PRDM16: variants seen among roughly 807,000 people sequenced by gnomAD.
PRDM16 encodes the protein histone-lysine N-methyltransferase PRDM16.
Under a neutral mutation model 110.6 loss-of-function variants are expected in PRDM16, and 23 were observed. The observed-to-expected ratio is 0.21, with a 90% confidence interval of 0.15 to 0.29. The LOEUF (loss-of-function observed/expected upper bound fraction) is 0.29. PRDM16 is among the 10% of genes least tolerant of loss of function. The pLI, the probability that PRDM16 is intolerant of heterozygous loss-of-function variation, is 1.00. For missense variants in PRDM16, 1,615 were observed against 1,794.3 expected (o/e 0.90, Z 1.81); for synonymous variants, 799 against 781.8 (o/e 1.02, Z -0.37).
chr1:3,414,714 C>G (rs564834010), intron 10 of PRDM16, 67 bp downstream of exon 10: 1 of 1,294,522 alleles, frequency 7.7e-7, no homozygotes, highest in Admixed American at 1.9e-5. Context: ...TCCCGGCTGT[C>G]GAGGCTCAGT....
At chr1:3,333,563 C>G (rs1010616359) in intron 3 of PRDM16, among the ~76,000 whole-genome samples, 2 of 152,198 alleles carry the variant, frequency 1.3e-5, no homozygotes, top group African/African-American at 2.4e-5. Context: ...TGAGCACAGA[C>G]GTCTCTCCTC....
chr1:3,435,231 T>C lies in PRDM16; in HGVS notation c.*1420T>C, dbSNP rs572039527. On this transcript the variant is annotated 3_prime_UTR_variant, in exon 17 of 17. Coordinates refer to ENST00000270722, the MANE Select transcript of PRDM16 (RefSeq NM_022114.4). ...TTTACCTTAATCTGTATATAACTTG[T>C]AATTTTTTCTAATTCATTTCTTTTC... 4.5e-6 allele frequency: 1 copy of C among 221,404 alleles called. No homozygotes were observed. The highest frequency in any genetic ancestry group is 9.0e-6 in the Non-Finnish European group (1 of 110,742). The allele number at this position is 221,404 out of a possible 1,614,324, so 13.7% of individuals were successfully genotyped here.
At chr1:3,273,685 G>A (rs1640513584) in intron 3 of PRDM16, among the ~76,000 whole-genome samples, 1 of 151,972 alleles carries the variant, frequency 6.6e-6, no homozygotes, top group African/African-American at 2.4e-5. Flanking sequence ...GTGTGTGTGT[G>A]CATGTGGCAG....
intron 3 of PRDM16, among the ~76,000 whole-genome samples, chr1:3,302,508 T>TA (rs35595493): frequency 0.28 from 43,055 of 151,210 alleles, 6,524 homozygotes; most frequent in Middle Eastern, 0.39. Flanking sequence ...ATCCATTTGT[T>TA]AAAAAAAAAA....
intron 3 of PRDM16, among the ~76,000 whole-genome samples, chr1:3,384,254 C>T (rs1643157829): frequency 1.3e-5 from 2 of 152,166 alleles, no homozygotes; most frequent in Admixed American, 1.3e-4. Context: ...GTGGCCCCAT[C>T]CCCTGCCCCC....
At chr1:3,423,632 C>G (rs977669095) in intron 12 of PRDM16, among the ~76,000 whole-genome samples, 1 of 152,168 alleles carries the variant, frequency 6.6e-6, no homozygotes, top group African/African-American at 2.4e-5. Flanking sequence ...CCGGTCGGGG[C>G]GGGGTGGGGC....
At chr1:3,363,975 C>T (rs555524094) in intron 3 of PRDM16, among the ~76,000 whole-genome samples, 85 of 151,694 alleles carry the variant, frequency 5.6e-4, no homozygotes, top group African/African-American at 1.5e-3. Context: ...CCCCGCCCCC[C>T]GAGCCAGCCC....
At chr1:3,282,211 G>T (rs936281134) in intron 3 of PRDM16, among the ~76,000 whole-genome samples, 1 of 152,260 alleles carries the variant, frequency 6.6e-6, no homozygotes, top group East Asian at 1.9e-4. Context: ...TGTGCTCAGG[G>T]AGGCCATGCT....
intron 1 of PRDM16, among the ~76,000 whole-genome samples, chr1:3,095,158 T>C (rs1642368004): frequency 6.6e-6 from 1 of 152,122 alleles, no homozygotes; most frequent in South Asian, 2.1e-4. Context: ...CCTCTCCAGC[T>C]CAGTGCGTGA....
chr1:3,285,660 G>A (rs1445851242), intron 3 of PRDM16, among the ~76,000 whole-genome samples: 5 of 152,196 alleles, frequency 3.3e-5, no homozygotes, highest in South Asian at 2.1e-4. Flanking sequence ...GAGCCCCTCC[G>A]TCTCTGGTCC....
At chr1:3,294,199 A>G (rs1324626242) in intron 3 of PRDM16, among the ~76,000 whole-genome samples, 5 of 152,200 alleles carry the variant, frequency 3.3e-5, no homozygotes, top group Non-Finnish European at 7.3e-5. Context: ...CCTGCCTACC[A>G]GGTAAACAGG....
intron 1 of PRDM16, among the ~76,000 whole-genome samples, chr1:3,115,957 C>A (rs989728242): frequency 6.6e-6 from 1 of 152,190 alleles, no homozygotes; most frequent in Non-Finnish European, 1.5e-5. Context: ...TCTAGGCTGT[C>A]CATGCCCCAG....
At chr1:3,395,992 G>A (rs890574774) in intron 4 of PRDM16, among the ~76,000 whole-genome samples, 2 of 152,276 alleles carry the variant, frequency 1.3e-5, no homozygotes, top group South Asian at 2.1e-4. Flanking sequence ...TGGCATCCCC[G>A]CTCCTGGGAG....
At chr1:3,193,562 A>T (rs568394296) in intron 2 of PRDM16, among the ~76,000 whole-genome samples, 2 of 152,094 alleles carry the variant, frequency 1.3e-5, no homozygotes, top group African/African-American at 2.4e-5. Flanking sequence ...TCTCCATCCC[A>T]TCCGGCTCTG....
intron 2 of PRDM16, among the ~76,000 whole-genome samples, chr1:3,220,180 G>A (rs1639121359): frequency 6.6e-6 from 1 of 152,096 alleles, no homozygotes; most frequent in Non-Finnish European, 1.5e-5. Context: ...CCGTGCCCAC[G>A]CCGTCACTCC....
intron 1 of PRDM16, among the ~76,000 whole-genome samples, chr1:3,105,028 T>C (rs930545918): frequency 1.4e-5 from 2 of 146,728 alleles, no homozygotes; most frequent in East Asian, 3.9e-4. Flanking sequence ...CTGTCCTCTC[T>C]GGAAGGTGCT....
intron 2 of PRDM16, among the ~76,000 whole-genome samples, chr1:3,222,622 G>T (rs918924478): frequency 3.3e-5 from 5 of 152,316 alleles, no homozygotes; most frequent in African/African-American, 9.6e-5. Flanking sequence ...GGGAGGGCCT[G>T]CTCCCCATCC....
chr1:3,352,747 G>A (rs566504993), intron 3 of PRDM16, among the ~76,000 whole-genome samples: 1 of 152,212 alleles, frequency 6.6e-6, no homozygotes, highest in Non-Finnish European at 1.5e-5. Flanking sequence ...AAAGAAGCAG[G>A]CTGCGATTGG....
rs928404777 is a variant in PRDM16 at position 3,432,157 on chromosome 1, G to A, written c.3696+17G>A. On this transcript the variant is annotated intron_variant, in intron 16 of 16. Coordinates refer to ENST00000270722, the MANE Select transcript of PRDM16 (RefSeq NM_022114.4). ...AAGAACCAGGTAGGTACCCGCCAGAGCCCCTCCCCCACCCCACCTGGCCTC... is the reference window on the plus strand; with the variant it reads ...AAGAACCAGGTAGGTACCCGCCAGAACCCCTCCCCCACCCCACCTGGCCTC... 1.9e-6 allele frequency: 3 copies of A among 1,608,066 alleles called. No homozygotes were observed. The Admixed American group carries it at 5.0e-5, about 27-fold the overall frequency.
Sources: allele counts gnomAD v4.1 joint callset (sites outside exome capture counted in the v4.1 genomes callset), GRCh38; gene constraint gnomAD v4.1.1; transcripts MANE v1.5; gene names NCBI Gene and HGNC (gene_info 2026-07-23, HGNC 2026-07-21).